Variants in CEP162 observed in about 807,000 individuals in gnomAD.
CEP162 encodes centrosomal protein of 162 kDa.
In CEP162, 141 loss-of-function variants were observed where a neutral mutation model predicts 169.2. That is an observed-to-expected ratio of 0.83 (90% CI 0.73 to 0.96). CEP162 has a LOEUF of 0.96. Among genes scored for constraint, CEP162 ranks in the 40% least tolerant of loss-of-function variants. The probability of loss-of-function intolerance (pLI) is 0.00; values close to 1 mark genes in which losing one functional copy is unlikely to be tolerated. For missense variants in CEP162, 1,600 were observed against 1,587.2 expected, an observed-to-expected ratio of 1.01 and a Z score of -0.14; for synonymous variants, 540 against 526.4, an observed-to-expected ratio of 1.03 and a Z score of -0.35.
At chr6:84,205,052 T>C (rs1433022353) in intron 6 of CEP162, among the ~76,000 whole-genome samples, 1 of 151,972 alleles carries the variant, frequency 6.6e-6, no homozygotes, top group Non-Finnish European at 1.5e-5. Flanking sequence ...AATAGACCAA[T>C]AACAGGATCT....
intron 6 of CEP162, among the ~76,000 whole-genome samples, chr6:84,206,072 A>G (rs1202440385): frequency 3.4e-5 from 5 of 149,074 alleles, no homozygotes; most frequent in African/African-American, 1.3e-4. Context: ...ATAAAAGAGG[A>G]CACAAACAAA....
chr6:84,167,736 A>G lies in CEP162; in HGVS notation c.2385+1592T>C, dbSNP rs555477974. On this transcript the variant is annotated intron_variant, in intron 18 of 26. Transcript: ENST00000403245. ...CAAATACTAAACACAAATGAGGCAG[A>G]AGAGGTACCATTTACATTGAACAAC... Among the ~76,000 whole-genome samples the G allele has an allele frequency of 3.9e-5, 6 of 152,324 alleles. No individual in the cohort carries two copies. In the South Asian group the frequency reaches 1.2e-3, roughly 32 times the overall value.
intron 3 of CEP162, among the ~76,000 whole-genome samples, chr6:84,217,569 G>A (rs1452414917): frequency 6.6e-6 from 1 of 152,202 alleles, no homozygotes; most frequent in Non-Finnish European, 1.5e-5. Flanking sequence ...TCTAAGTTGG[G>A]AGGCCAAAAA....
Position 84,171,678 on chromosome 6 carries a change from T to C in CEP162, c.2207A>G (p.Glu736Gly). 2 of 1,538,936 alleles carry C rather than the reference T, an allele frequency of 1.3e-6. No homozygotes were observed. Among genetic ancestry groups the C allele is most frequent in the Non-Finnish European group, 8.8e-7 (1 of 1,142,796 alleles). ...TCGCTCCTCATTTTTCTTGTTTTGT[T>C]CTTGGAGATCTTTTACTTGATTATA... is the stretch of plus-strand genomic sequence containing the variant. ...RLYNQVKDLQ[E>G]QNKKNEERMF... is the part of the protein sequence containing the mutation. Residue 736 changes from glutamate to glycine, a missense_variant, in exon 17 of 27, where the codon GAA becomes GGA. Glu to Gly is a moderately conservative substitution (Grantham distance 98). Coordinates refer to ENST00000403245, the MANE Select transcript of CEP162 (RefSeq NM_014895.4).
intron 16 of CEP162, among the ~76,000 whole-genome samples, chr6:84,173,333 T>C (rs745686798): frequency 1.2e-4 from 18 of 152,200 alleles, no homozygotes; most frequent in Non-Finnish European, 2.6e-4. Context: ...AATACCCTGA[T>C]AAACCCAATG....
intron 7 of CEP162, among the ~76,000 whole-genome samples, chr6:84,202,946 C>T (rs957056337): frequency 1.3e-5 from 2 of 152,096 alleles, no homozygotes; most frequent in East Asian, 3.9e-4. Flanking sequence ...GATTTATAGA[C>T]ACCTGAAAAG....
chr6:84,181,739 C>G (rs555466006), intron 13 of CEP162, among the ~76,000 whole-genome samples: 224 of 151,860 alleles, frequency 1.5e-3, no homozygotes, highest in Non-Finnish European at 2.3e-3. Context: ...ATAATCAGAA[C>G]CAAGAATTAA....
In CEP162 at chr6:84,179,109, C is replaced by T. The variant is rs575532663; in HGVS notation, c.1664-3762G>A. 7.2e-5 allele frequency among the ~76,000 whole-genome samples: 11 copies of T among 152,142 alleles called. No individual in the cohort carries two copies. In the South Asian group the frequency reaches 1.0e-3, roughly 14 times the overall value. On this transcript the variant is annotated intron_variant, in intron 13 of 26. Coordinates refer to ENST00000403245, the MANE Select transcript of CEP162 (RefSeq NM_014895.4). Reference sequence around the variant, plus strand: ...AAGTTTTTGCTATTGTGAATAGTGCCGCAATAAACATACATGTGCATCTGT... The same window carrying T: ...AAGTTTTTGCTATTGTGAATAGTGCTGCAATAAACATACATGTGCATCTGT...
At chr6:84,206,986 G>T (rs936021792) in intron 6 of CEP162, among the ~76,000 whole-genome samples, 1 of 152,142 alleles carries the variant, frequency 6.6e-6, no homozygotes, top group Admixed American at 6.5e-5. Flanking sequence ...ATCATCACTG[G>T]TCATCAGAGA....
Position 84,200,791 on chromosome 6 carries a change from G to C in CEP162, c.833C>G (p.Thr278Arg). The change falls in exon 9 of 27, where the codon ACA (threonine) becomes AGA (arginine). Residue 278 changes from threonine (T) to arginine (R), a missense_variant and splice_region_variant. Coordinates refer to ENST00000403245, the MANE Select transcript of CEP162 (RefSeq NM_014895.4). ...PEMTENEMTG[T>R]GVSYGQSSSD... is the part of the protein sequence containing the mutation. ...GTCAGGTTTCTAAACATTTTTACCT[G>C]TTCCTGTCATTTCATTCTCAGTCAT... 1 of 1,552,200 alleles carries C rather than the reference G, an allele frequency of 6.4e-7. No homozygotes were observed. The highest frequency in any genetic ancestry group is 8.9e-7 in the Non-Finnish European group (1 of 1,124,210).
chr6:84,154,322 A>ATCTGTCTG (rs1250658122), intron 22 of CEP162, among the ~76,000 whole-genome samples: 171 of 134,858 alleles, frequency 1.3e-3, no homozygotes, highest in African/African-American at 5.7e-3. Flanking sequence ...ATATCTATCT[A>ATCTGTCTG]TCTATCTATC....
At chr6:84,196,462 C>T (rs894230410) in intron 9 of CEP162, among the ~76,000 whole-genome samples, 1 of 152,018 alleles carries the variant, frequency 6.6e-6, no homozygotes, top group Non-Finnish European at 1.5e-5. Flanking sequence ...CTTCTCTTTC[C>T]ACCAACTGAC....
At chr6:84,160,440 A>T (rs2099525294) in intron 21 of CEP162, among the ~76,000 whole-genome samples, 1 of 152,112 alleles carries the variant, frequency 6.6e-6, no homozygotes, top group South Asian at 2.1e-4. Context: ...CATTACCAGC[A>T]TGTTCCCAAC....
intron 2 of CEP162, among the ~76,000 whole-genome samples, chr6:84,223,830 C>A (rs1406982458): frequency 6.6e-6 from 1 of 151,694 alleles, no homozygotes; most frequent in Non-Finnish European, 1.5e-5. Context: ...TTGCTTAAGC[C>A]CAGAAGGCAG....
chr6:84,174,598 T>C, intron 15 of CEP162, 129 bp downstream of exon 15: 1 of 584,516 alleles, frequency 1.7e-6, no homozygotes, highest in East Asian at 2.9e-5. Flanking sequence ...AACCATTCTA[T>C]ATTTTATACA....
At chr6:84,155,656 T>C in intron 21 of CEP162, 146 bp from the exon 22 acceptor site, 1 of 599,522 alleles carries the variant, frequency 1.7e-6, no homozygotes, top group South Asian at 2.1e-5. Flanking sequence ...AATCAAGAAC[T>C]ACCTAGGAAT....
chr6:84,154,104 A>C (rs2099522148), intron 22 of CEP162, among the ~76,000 whole-genome samples: 1 of 152,130 alleles, frequency 6.6e-6, no homozygotes, highest in African/African-American at 2.4e-5. Flanking sequence ...TCAGAAATGA[A>C]AGGGGGAAGA....
At chr6:84,166,389 G>C (rs2099527837) in intron 18 of CEP162, among the ~76,000 whole-genome samples, 1 of 152,180 alleles carries the variant, frequency 6.6e-6, no homozygotes, top group Non-Finnish European at 1.5e-5. Context: ...CTTTCTCAGA[G>C]AGAGCTTTCC....
chr6:84,160,627 C>T (rs548991497), intron 21 of CEP162, among the ~76,000 whole-genome samples, 185 bp downstream of exon 21: 3 of 152,078 alleles, frequency 2.0e-5, no homozygotes, highest in Admixed American at 1.3e-4. Flanking sequence ...GCACATTAGT[C>T]TAAAAATTAT....
Sources: gnomAD v4.1 joint callset for allele counts (sites outside exome capture counted in the v4.1 genomes callset) on GRCh38, gnomAD v4.1.1 for gene constraint, MANE v1.5 for transcripts, NCBI Gene and HGNC (gene_info 2026-07-23, HGNC 2026-07-21) for gene names.